SMARCA2: variants seen among roughly 807,000 people sequenced by gnomAD.
SMARCA2 encodes the protein SWI/SNF-related matrix-associated actin-dependent regulator of chromatin subfamily A member 2.
In SMARCA2, 61 loss-of-function variants were observed where a neutral mutation model predicts 199.8. The observed-to-expected ratio is 0.31, with a 90% CI of 0.25 to 0.38. The LOEUF is 0.38. Among genes scored for constraint, SMARCA2 ranks in the 10% least tolerant of loss-of-function variants. The pLI, the probability that SMARCA2 is intolerant of heterozygous loss-of-function variation, is 1.00. For synonymous variants in SMARCA2, 935 were observed against 732.0 expected (o/e 1.28, Z -4.48); for missense variants, 1,344 against 2,012.2 (o/e 0.67, Z 6.35).
intron 8 of SMARCA2, among the ~76,000 whole-genome samples, chr9:2,059,408 CCCTAT>C (rs1346629751): frequency 1.3e-5 from 2 of 152,234 alleles, no homozygotes; most frequent in East Asian, 3.9e-4. Context: ...CATCTTACTA[CCCTAT>C]CCTGCCTCCC....
chr9:2,159,647 A>T, intron 27 of SMARCA2: 1 of 722,308 alleles, frequency 1.4e-6, no homozygotes, highest in Non-Finnish European at 2.1e-6. Context: ...AGTAGTTGTC[A>T]ATATTAAAAC....
intron 17 of SMARCA2, 106 bp downstream of exon 17, chr9:2,084,302 T>G: frequency 1.6e-6 from 1 of 624,366 alleles, no homozygotes; most frequent in South Asian, 2.1e-5. Flanking sequence ...GGCTTGTCCT[T>G]TTCTTTATTT....
chr9:2,186,079 C>A lies in SMARCA2; in HGVS notation c.4462-17C>A, dbSNP rs1006246359. On this transcript the variant is annotated splice_polypyrimidine_tract_variant and intron_variant, in intron 31 of 33. Coordinates refer to ENST00000349721, the MANE Select transcript of SMARCA2 (RefSeq NM_003070.5). ...ACTCAGCTTGCAGTTTTAACAGATG[C>A]CCCTTTGACCATTTAGATCTATGAA... The A allele has an allele frequency of 6.2e-7, 1 of 1,610,882 alleles. No individual in the cohort carries two copies. The highest frequency in any genetic ancestry group is 2.2e-5 in the East Asian group (1 of 44,770).
intron 27 of SMARCA2, chr9:2,158,940 T>TG (rs1342465571): frequency 1.2e-6 from 2 of 1,612,000 alleles, no homozygotes; most frequent in Admixed American, 3.3e-5. Context: ...TGTAGCTCTC[T>TG]GCATTCCTGC....
intron 27 of SMARCA2, among the ~76,000 whole-genome samples, chr9:2,152,239 G>C (rs920746968): frequency 1.3e-5 from 2 of 152,176 alleles, no homozygotes; most frequent in African/African-American, 4.8e-5. Context: ...TCTTTTGGAA[G>C]ACAACCCTAT....
intron 23 of SMARCA2, among the ~76,000 whole-genome samples, chr9:2,109,918 G>A (rs1056621354): frequency 3.9e-5 from 6 of 152,152 alleles, no homozygotes; most frequent in African/African-American, 1.2e-4. Flanking sequence ...GGGCGAGAGA[G>A]GAAGTGTGTG....
chr9:2,084,224 C>G (rs571996592), intron 17 of SMARCA2, 28 bp downstream of exon 17: 7 of 1,195,806 alleles, frequency 5.9e-6, no homozygotes, highest in South Asian at 2.5e-5. Context: ...TATTTTCTCT[C>G]TAATTAGGAC....
In SMARCA2 at chr9:2,058,326, T is replaced by C. The variant is rs1328429286; in HGVS notation, c.1383T>C (p.Asp461=). 1 of 1,614,190 alleles carries C rather than the reference T, an allele frequency of 6.2e-7. No homozygotes were observed. The highest frequency in any genetic ancestry group is 1.1e-5 in the South Asian group (1 of 91,084). The stretch of plus-strand genomic sequence containing the variant: ...ACAGTATTTTGCAACATGCAAAAGA[T>C]TTTAAGGAATATCATCGGTCTGTGG... ...YLNSILQHAK[D]FKEYHRSVAG... The change falls in exon 8 of 34, where the codon GAT becomes GAC. Residue 461 remains aspartate, a synonymous_variant. Transcript: ENST00000349721.
intron 5 of SMARCA2, among the ~76,000 whole-genome samples, chr9:2,050,465 CAT>C (rs575847294): frequency 2.4e-4 from 36 of 152,186 alleles, no homozygotes; most frequent in Non-Finnish European, 4.1e-4. Flanking sequence ...TAATTCCACA[CAT>C]GTTTGCCTGG....
At chr9:2,109,921 AGT>A (rs1425043200) in intron 23 of SMARCA2, among the ~76,000 whole-genome samples, 2 of 152,220 alleles carry the variant, frequency 1.3e-5, no homozygotes, top group African/African-American at 2.4e-5. Flanking sequence ...CGAGAGAGGA[AGT>A]GTGTGTGTTC....
At chr9:2,135,962 C>CT (rs1824176781) in intron 27 of SMARCA2, among the ~76,000 whole-genome samples, 1 of 152,122 alleles carries the variant, frequency 6.6e-6, no homozygotes, top group African/African-American at 2.4e-5. Context: ...CTGCCTCCGT[C>CT]TCCCGAGTAG....
At chr9:2,168,361 A>G (rs16937809) in intron 28 of SMARCA2, among the ~76,000 whole-genome samples, 12,476 of 152,216 alleles carry the variant, frequency 0.082, 900 homozygotes, top group African/African-American at 0.19. Context: ...AATTTGGTAA[A>G]CTACAAACCT....
chr9:2,177,707 C>G (rs1362077930), intron 29 of SMARCA2, among the ~76,000 whole-genome samples: 2 of 152,252 alleles, frequency 1.3e-5, no homozygotes, highest in South Asian at 4.1e-4. Flanking sequence ...CATGCGCCAC[C>G]ACACCCAGCT....
At chr9:2,191,221 CT>C in intron 32 of SMARCA2, 44 bp from the exon 33 acceptor site, 1 of 1,595,000 alleles carries the variant, frequency 6.3e-7, no homozygotes, top group East Asian at 2.2e-5. Context: ...CAAAGATCTC[CT>C]TGTGATTACT....
At chr9:2,067,468 C>T (rs1431559832) in intron 9 of SMARCA2, among the ~76,000 whole-genome samples, 1 of 152,196 alleles carries the variant, frequency 6.6e-6, no homozygotes, top group Non-Finnish European at 1.5e-5. Context: ...AAAGAATAGT[C>T]CTCGGACTAT....
rs373924332 is a variant in SMARCA2, at chr9:2,170,425, C to T, written c.4206C>T (p.Asn1402=). Residue 1402 remains asparagine (N), a synonymous_variant, in exon 29 of 34, where the codon AAC becomes AAT. Transcript: ENST00000349721. The surrounding 1 kb of genome is among the most constrained non-coding windows in gnomAD (Gnocchi z 4.7). ...DTVINYKDRC[N]VEKVPSNSQL... ...TCTTTCTACTCTACCGCAGGTGTAA[C>T]GTGGAGAAGGTGCCCAGTAATTCTC... 2.3e-5 allele frequency: 37 copies of T among 1,613,916 alleles called. No individual in the cohort carries two copies. In the Middle Eastern group the frequency reaches 6.6e-4, roughly 29 times the overall value.
chr9:2,177,632 A>G (rs1291820303), intron 29 of SMARCA2, among the ~76,000 whole-genome samples: 1 of 151,940 alleles, frequency 6.6e-6, no homozygotes, highest in African/African-American at 2.4e-5. Flanking sequence ...AGCTCACCAC[A>G]ACCTCCGCCT....
intron 27 of SMARCA2, among the ~76,000 whole-genome samples, chr9:2,152,893 A>G (rs547468348): frequency 2.3e-4 from 35 of 152,178 alleles, no homozygotes; most frequent in African/African-American, 7.5e-4. Flanking sequence ...AATAAAAATA[A>G]TTTATGTGAA....
intron 9 of SMARCA2, among the ~76,000 whole-genome samples, chr9:2,069,809 G>A (rs1420743066): frequency 6.6e-6 from 1 of 152,056 alleles, no homozygotes; most frequent in Admixed American, 6.5e-5. Context: ...TTAGATTCAG[G>A]GGATACATGT....
Sources: allele counts gnomAD v4.1 joint callset (sites outside exome capture counted in the v4.1 genomes callset), GRCh38; gene constraint gnomAD v4.1.1; non-coding constraint Gnocchi (gnomAD v3.1); transcripts MANE v1.5; gene names NCBI Gene and HGNC (gene_info 2026-07-23, HGNC 2026-07-21).